Variants in KCNH5 observed in about 807,000 individuals in gnomAD.
The protein encoded by KCNH5 is voltage-gated delayed rectifier potassium channel KCNH5.
In KCNH5, 46 loss-of-function variants were observed where a neutral mutation model predicts 96.1. That is an observed-to-expected ratio of 0.48 (90% confidence interval 0.38 to 0.61). KCNH5 has a LOEUF of 0.61. KCNH5 is among the 20% of genes least tolerant of loss of function. The probability of loss-of-function intolerance (pLI) is 0.00; values close to 1 mark genes in which losing one functional copy is unlikely to be tolerated. For synonymous variants in KCNH5, 439 were observed against 449.8 expected (o/e 0.98, Z 0.30); for missense variants, 907 against 1,225.8 (o/e 0.74, Z 3.88).
chr14:62,718,547 AAC>A (rs1383934554), intron 10 of KCNH5, among the ~76,000 whole-genome samples: 3 of 152,178 alleles, frequency 2.0e-5, no homozygotes, highest in Non-Finnish European at 4.4e-5. Flanking sequence ...TGTAGTAAAA[AAC>A]ACAGAAAATA....
intron 1 of KCNH5, among the ~76,000 whole-genome samples, chr14:63,021,572 G>A (rs990962376): frequency 7.2e-5 from 11 of 151,762 alleles, no homozygotes; most frequent in East Asian, 1.9e-4. Context: ...GGCTGCCACC[G>A]TATCTGTCTC....
chr14:62,859,412 G>T (rs1305680430), intron 7 of KCNH5, among the ~76,000 whole-genome samples: 1 of 151,990 alleles, frequency 6.6e-6, no homozygotes, highest in African/African-American at 2.4e-5. Context: ...GAGGCCAAGG[G>T]GTGTCCACAC....
chr14:62,752,954 T>C (rs1432773789), intron 10 of KCNH5, among the ~76,000 whole-genome samples: 4 of 152,186 alleles, frequency 2.6e-5, no homozygotes, highest in East Asian at 1.9e-4. Context: ...AGTATCTTTA[T>C]AGCAGTGTGA....
chr14:63,011,340 T>C (rs1223733031), intron 2 of KCNH5, among the ~76,000 whole-genome samples: 1 of 151,868 alleles, frequency 6.6e-6, no homozygotes, highest in Admixed American at 6.6e-5. Flanking sequence ...TAGCTAGGCA[T>C]GGTGGCGGGT....
chr14:62,796,398 A>C (rs1203696859), intron 9 of KCNH5, among the ~76,000 whole-genome samples: 6 of 152,172 alleles, frequency 3.9e-5, no homozygotes, highest in Non-Finnish European at 8.8e-5. Context: ...AGTTGATTTA[A>C]TTATGTTATT....
At chr14:62,885,649 G>C (rs1888581364) in intron 7 of KCNH5, among the ~76,000 whole-genome samples, 3 of 152,206 alleles carry the variant, frequency 2.0e-5, no homozygotes, top group African/African-American at 7.2e-5. Flanking sequence ...GGGAATACAA[G>C]ATGAAATGGC....
At chr14:63,001,535 C>G in intron 3 of KCNH5, 76 bp from the exon 4 acceptor site, 1 of 1,398,680 alleles carries the variant, frequency 7.1e-7, no homozygotes, top group Non-Finnish European at 9.6e-7. Context: ...TCCTGGCTTC[C>G]TTCTTCCTTC....
chr14:62,710,098 G>C (rs1358475551), intron 10 of KCNH5, among the ~76,000 whole-genome samples: 4 of 152,088 alleles, frequency 2.6e-5, no homozygotes, highest in Admixed American at 6.5e-5. Context: ...CAGCTGCCTG[G>C]AGTAACATAT....
chr14:62,903,347 A>G (rs551836445), intron 7 of KCNH5, among the ~76,000 whole-genome samples: 1 of 152,294 alleles, frequency 6.6e-6, no homozygotes, highest in East Asian at 1.9e-4. Flanking sequence ...AAATATGTCA[A>G]ATGTTCATTA....
chr14:62,921,712 C>T (rs987189343), intron 7 of KCNH5, among the ~76,000 whole-genome samples: 4 of 152,100 alleles, frequency 2.6e-5, no homozygotes, highest in African/African-American at 7.2e-5. Context: ...ATTTCACTGG[C>T]TGTTCTGAAA....
chr14:62,862,848 T>C (rs987901325), intron 7 of KCNH5, among the ~76,000 whole-genome samples: 1 of 152,160 alleles, frequency 6.6e-6, no homozygotes, highest in Non-Finnish European at 1.5e-5. Context: ...AAGAACCAAT[T>C]GCTCAGTCAA....
intron 2 of KCNH5, among the ~76,000 whole-genome samples, chr14:63,014,819 C>G (rs1038652616): frequency 1.3e-5 from 2 of 152,046 alleles, no homozygotes; most frequent in Non-Finnish European, 2.9e-5. Flanking sequence ...TGAGATAAAC[C>G]TGGCATGAAG....
intron 10 of KCNH5, among the ~76,000 whole-genome samples, chr14:62,724,871 CA>C (rs1452189888): frequency 1.3e-5 from 2 of 152,182 alleles, no homozygotes; most frequent in South Asian, 2.1e-4. Context: ...GAATTTGAAA[CA>C]AAAAAGAGCC....
chr14:62,709,187 C>T (rs1173275462), intron 10 of KCNH5, among the ~76,000 whole-genome samples: 1 of 131,226 alleles, frequency 7.6e-6, no homozygotes, highest in Non-Finnish European at 1.5e-5. Context: ...GAGCGGAGAT[C>T]GCGCCACAGC....
At chr14:62,797,712 G>A (rs997520066) in intron 9 of KCNH5, among the ~76,000 whole-genome samples, 6 of 149,886 alleles carry the variant, frequency 4.0e-5, no homozygotes, top group African/African-American at 1.2e-4. Flanking sequence ...TAATGCACAC[G>A]TTTATAATTT....
intron 10 of KCNH5, among the ~76,000 whole-genome samples, chr14:62,777,624 G>A (rs903541678): frequency 1.3e-5 from 2 of 152,140 alleles, no homozygotes; most frequent in African/African-American, 4.8e-5. Context: ...GAGCAGAGAG[G>A]CTAGAATTAT....
intron 10 of KCNH5, among the ~76,000 whole-genome samples, chr14:62,717,991 C>G (rs528991956): frequency 2.0e-5 from 3 of 152,226 alleles, no homozygotes; most frequent in African/African-American, 7.2e-5. Flanking sequence ...CAGCTAGAAG[C>G]CATTATCCTA....
chr14:62,906,171 G>C (rs1889023115), intron 7 of KCNH5, among the ~76,000 whole-genome samples: 2 of 152,156 alleles, frequency 1.3e-5, no homozygotes, highest in African/African-American at 4.8e-5. Context: ...CACCATGCTA[G>C]GCTTTGGTTA....
chr14:62,977,768 G>A (rs1011224584), intron 6 of KCNH5, among the ~76,000 whole-genome samples: 1 of 152,194 alleles, frequency 6.6e-6, no homozygotes, highest in African/African-American at 2.4e-5. Flanking sequence ...CCTGTAAGGA[G>A]TAGATGCCAA....
Sources: allele counts gnomAD v4.1 joint callset (sites outside exome capture counted in the v4.1 genomes callset), GRCh38; gene constraint gnomAD v4.1.1; transcripts MANE v1.5; gene names NCBI Gene and HGNC (gene_info 2026-07-23, HGNC 2026-07-21).